Variants in FANCA observed in about 807,000 individuals in gnomAD.
The protein encoded by FANCA is Fanconi anemia group A protein.
A neutral mutation model predicts 194.3 loss-of-function variants in FANCA; 236 were observed. That is an observed-to-expected ratio of 1.21 (90% CI 1.09 to 1.35). The LOEUF is 1.35. FANCA is among the 40% of genes most tolerant of loss of function. The pLI is 0.00. For synonymous variants in FANCA, 1,014 were observed against 715.8 expected (o/e 1.42, Z -6.65); for missense variants, 2,628 against 1,813.9 (o/e 1.45, Z -8.15).
At chr16:89,809,007 G>A (rs1390406091) in intron 5 of FANCA, among the ~76,000 whole-genome samples, 1 of 151,736 alleles carries the variant, frequency 6.6e-6, no homozygotes, top group Non-Finnish European at 1.5e-5. Context: ...CCGGGTTCAC[G>A]CCATTCTCCT....
At chr16:89,803,901 G>A (rs1296372422) in intron 7 of FANCA, among the ~76,000 whole-genome samples, 1 of 152,104 alleles carries the variant, frequency 6.6e-6, no homozygotes, top group Admixed American at 6.6e-5. Flanking sequence ...TTACTGGCAT[G>A]AGTCACCCCA....
intron 33 of FANCA, among the ~76,000 whole-genome samples, chr16:89,748,195 C>T (rs536065775): frequency 2.6e-5 from 4 of 152,322 alleles, no homozygotes; most frequent in African/African-American, 7.2e-5. Flanking sequence ...CGTGAGCCAC[C>T]GCACCCAGCC....
rs763252585 is a variant in FANCA at position 89,738,226 on chromosome 16, G to A, written c.*375C>T. 1.9e-5 allele frequency: 30 copies of A among 1,606,930 alleles called. No individual in the cohort carries two copies. The highest frequency in any genetic ancestry group is 2.2e-5 in the Non-Finnish European group (26 of 1,177,326). On this transcript the variant is annotated 3_prime_UTR_variant, in exon 43 of 43. Transcript: ENST00000389301. The stretch of plus-strand genomic sequence containing the variant: ...CTCTGTGACCACAGAGGGCCAGGCG[G>A]TGAAGCCCGAACCCACCTGAGGACG...
Position 89,775,597 on chromosome 16 carries a change from TG to T in FANCA, c.1900+144del. 7.3e-6 allele frequency: 5 copies of T among 687,138 alleles called. No homozygotes were observed. In the South Asian group the frequency reaches 7.5e-5, roughly 10 times the overall value. 42.6% of individuals were successfully genotyped at this position (687,138 alleles called of 1,614,324 possible). ...CAGCTGGCACTGGGCGTCAGCATGG[TG>T]GGCGGACCCTGTACCCAAAGCACCG... is the stretch of plus-strand genomic sequence containing the variant. On this transcript the variant is annotated intron_variant, in intron 21 of 42. Transcript: ENST00000389301.
intron 20 of FANCA, chr16:89,778,464 TAAAA>T (rs56664732): frequency 1.5e-3 from 304 of 202,804 alleles, no homozygotes; most frequent in East Asian, 3.8e-3. Context: ...AGACTCCATC[TAAAA>T]AAAAAAAAAA....
chr16:89,789,493 C>A (rs891927210), intron 14 of FANCA, among the ~76,000 whole-genome samples: 6 of 135,602 alleles, frequency 4.4e-5, no homozygotes, highest in South Asian at 2.3e-4. Context: ...CAGGCTGGAG[C>A]GTAGTAATGC....
chr16:89,783,419 T>C (rs1403639712), intron 15 of FANCA, among the ~76,000 whole-genome samples: 1 of 151,366 alleles, frequency 6.6e-6, no homozygotes, highest in African/African-American at 2.4e-5. Context: ...GGCGCGGTGG[T>C]GGGCACCAGT....
At chr16:89,788,771 G>A (rs533049061) in intron 14 of FANCA, among the ~76,000 whole-genome samples, 1 of 152,154 alleles carries the variant, frequency 6.6e-6, no homozygotes. Flanking sequence ...CTGCACTCCA[G>A]CCTGGGCAAC....
chr16:89,757,014 T>G (rs1312358633), intron 30 of FANCA, among the ~76,000 whole-genome samples: 1 of 152,242 alleles, frequency 6.6e-6, no homozygotes, highest in Non-Finnish European at 1.5e-5. Flanking sequence ...AGTCTCACTC[T>G]GTCACACAGG....
intron 3 of FANCA, among the ~76,000 whole-genome samples, 160 bp downstream of exon 3, chr16:89,814,360 G>C (rs1256172722): frequency 6.6e-6 from 1 of 152,142 alleles, no homozygotes; most frequent in African/African-American, 2.4e-5. Context: ...AGAAGCCCAA[G>C]AGCAAGTCAC....
chr16:89,786,486 T>C (rs1375749709), intron 14 of FANCA, among the ~76,000 whole-genome samples: 1 of 152,158 alleles, frequency 6.6e-6, no homozygotes, highest in African/African-American at 2.4e-5. Context: ...CTAGCTAATT[T>C]TTGTCTTTTT....
chr16:89,811,109 CAT>C (rs746310941), intron 3 of FANCA, 38 bp from the exon 4 acceptor site: 262 of 1,613,082 alleles, frequency 1.6e-4, no homozygotes, highest in South Asian at 3.3e-4. Context: ...TCTCTTAACA[CAT>C]GAGACAAAAT....
intron 30 of FANCA, among the ~76,000 whole-genome samples, chr16:89,756,207 G>A (rs2038762559): frequency 6.6e-6 from 1 of 152,074 alleles, no homozygotes; most frequent in Non-Finnish European, 1.5e-5. Flanking sequence ...CTAAGGATGT[G>A]AACAGATTTC....
rs746889340 is a variant in FANCA at position 89,767,141 on chromosome 16, C to T, written c.2601G>A (p.Lys867=). The T allele has an allele frequency of 1.2e-6, 2 of 1,608,082 alleles. No individual in the cohort carries two copies. Among genetic ancestry groups the T allele is most frequent in the Non-Finnish European group, 1.7e-6 (2 of 1,174,574 alleles). ...AAAAATAGGAAAAGAGTGAACCTACCTTTTTAATAAGGCCTGGAGATAAGC... is the reference window on the plus strand; with the variant it reads ...AAAAATAGGAAAAGAGTGAACCTACTTTTTTAATAAGGCCTGGAGATAAGC... The part of the protein sequence containing the change: ...CSCLSPGLIK[K]FQFLMFRLFS... Residue 867 remains lysine (K), a splice_region_variant and synonymous_variant, in exon 27 of 43, where the codon AAG becomes AAA. Coordinates refer to ENST00000389301, the MANE Select transcript of FANCA (RefSeq NM_000135.4).
At chr16:89,753,640 T>C (rs1205042744) in intron 30 of FANCA, among the ~76,000 whole-genome samples, 2 of 152,206 alleles carry the variant, frequency 1.3e-5, no homozygotes, top group Admixed American at 6.5e-5. Flanking sequence ...GTGCCTGGCA[T>C]GGATGAAAAC....
intron 19 of FANCA, 30 bp downstream of exon 19, chr16:89,778,913 G>A (rs2039609159): frequency 2.5e-6 from 4 of 1,613,896 alleles, no homozygotes; most frequent in South Asian, 1.1e-5. Context: ...CTACACAACT[G>A]GTCACAAACT....
intron 30 of FANCA, among the ~76,000 whole-genome samples, chr16:89,753,410 C>T (rs1476248753): frequency 3.3e-5 from 5 of 152,298 alleles, no homozygotes; most frequent in East Asian, 1.9e-4. Flanking sequence ...ACTCTCTCAT[C>T]GCCGCACACA....
chr16:89,770,786 C>T, intron 23 of FANCA, 152 bp from the exon 24 acceptor site: 1 of 697,680 alleles, frequency 1.4e-6, no homozygotes, highest in Middle Eastern at 2.6e-4. Flanking sequence ...ACAATGCAAA[C>T]TGGTGCCCAG....
chr16:89,791,934 C>T lies in FANCA; in HGVS notation c.1218G>A (p.Leu406=), dbSNP rs2040090132. The change falls in exon 13 of 43, where the codon CTG becomes CTA. Residue 406 remains leucine, a synonymous_variant. Transcript: ENST00000389301. ...GCTCGCGTAAAAGCTCACCTTCAAG[C>T]AGCTGCTGCGCTTCTGGAAAGCAGA... ...LVVCFPEAQQ[L]LEDWVARLMA... 1.2e-6 allele frequency: 2 copies of T among 1,614,142 alleles called. No homozygotes were observed. Among genetic ancestry groups the T allele is most frequent in the Non-Finnish European group, 1.7e-6 (2 of 1,180,022 alleles).
Sources: gnomAD v4.1 joint callset for allele counts (sites outside exome capture counted in the v4.1 genomes callset) on GRCh38, gnomAD v4.1.1 for gene constraint, MANE v1.5 for transcripts, NCBI Gene and HGNC (gene_info 2026-07-23, HGNC 2026-07-21) for gene names.